Variants in SAMD8 observed in about 807,000 individuals in gnomAD.
SAMD8 encodes the protein sterile alpha motif domain containing 8.
Under a neutral mutation model 42.0 loss-of-function variants are expected in SAMD8, and 20 were observed. The ratio of observed to expected loss-of-function variants is 0.48; its 90% CI spans 0.34 to 0.69. The LOEUF (loss-of-function observed/expected upper bound fraction) is 0.69, where lower values mean the gene tolerates loss of function less well. Ranked by LOEUF, SAMD8 falls within the 30% of genes least tolerant of loss-of-function variation. SAMD8 has a pLI of 0.01. For missense variants in SAMD8, 328 were observed against 511.6 expected (o/e 0.64, Z 3.46); for synonymous variants, 162 against 173.0 (o/e 0.94, Z 0.50).
chr10:75,105,955 C>T, intron 1 of SAMD8: 1 of 1,304,926 alleles, frequency 7.7e-7, no homozygotes, highest in Non-Finnish European at 1.1e-6. Context: ...CTTTCCTGAC[C>T]CTGCCTTGGG....
At chr10:75,169,915 A>AAAAC (rs768899818) in intron 4 of SAMD8, among the ~76,000 whole-genome samples, 1 of 152,218 alleles carries the variant, frequency 6.6e-6, no homozygotes, top group South Asian at 2.1e-4. Flanking sequence ...ATCTCAAAAC[A>AAAAC]AAACAAACAA....
At chr10:75,101,269 T>A (rs917863969) in intron 1 of SAMD8, among the ~76,000 whole-genome samples, 13 of 152,184 alleles carry the variant, frequency 8.5e-5, no homozygotes, top group Non-Finnish European at 1.5e-4. Flanking sequence ...GCTGTGAGAA[T>A]TCCATGTAAT....
At chr10:75,127,598 A>G (rs535654726) in intron 1 of SAMD8, among the ~76,000 whole-genome samples, 2 of 152,348 alleles carry the variant, frequency 1.3e-5, no homozygotes, top group East Asian at 3.9e-4. Context: ...AAATGCACTG[A>G]ACACGGTTCA....
intron 1 of SAMD8, among the ~76,000 whole-genome samples, chr10:75,124,429 G>A (rs942164826): frequency 3.4e-4 from 51 of 151,980 alleles, no homozygotes; most frequent in African/African-American, 1.9e-4. Context: ...TCTGGCCAAC[G>A]TGGTGAAACC....
chr10:75,169,213 G>T (rs1342881230), intron 4 of SAMD8, among the ~76,000 whole-genome samples: 6 of 145,470 alleles, frequency 4.1e-5, no homozygotes, highest in Non-Finnish European at 6.0e-5. Context: ...TTGGCCGGGC[G>T]CAGTGGCTCA....
At chr10:75,133,633 C>CA (rs1258822713) in intron 1 of SAMD8, among the ~76,000 whole-genome samples, 1 of 152,114 alleles carries the variant, frequency 6.6e-6, no homozygotes, top group Non-Finnish European at 1.5e-5. Flanking sequence ...AGCCACAAAA[C>CA]AGAATGAAGT....
chr10:75,146,822 A>T (rs1276255692), intron 1 of SAMD8, among the ~76,000 whole-genome samples: 1 of 152,208 alleles, frequency 6.6e-6, no homozygotes, highest in Non-Finnish European at 1.5e-5. Context: ...CTTTGGTACA[A>T]CATAAATATT....
upstream of SAMD8, chr10:75,108,894 G>T: frequency 7.3e-7 from 1 of 1,362,660 alleles, no homozygotes; most frequent in Non-Finnish European, 9.7e-7. Flanking sequence ...CCTGGCCTGG[G>T]ATGGTCAGAG....
intron 1 of SAMD8, among the ~76,000 whole-genome samples, chr10:75,103,467 A>G (rs1387445599): frequency 3.3e-5 from 5 of 152,194 alleles, no homozygotes; most frequent in Non-Finnish European, 7.4e-5. Context: ...AGGGACACCC[A>G]GGCCCCACTG....
chr10:75,166,003 GATT>G (rs1840668264), intron 3 of SAMD8, among the ~76,000 whole-genome samples: 2 of 144,524 alleles, frequency 1.4e-5, no homozygotes, highest in Non-Finnish European at 3.0e-5. Context: ...AAAAAAGAAA[GATT>G]ATTTTGTACA....
chr10:75,128,872 T>C (rs1212695395), intron 1 of SAMD8, among the ~76,000 whole-genome samples: 4 of 152,184 alleles, frequency 2.6e-5, no homozygotes, highest in Non-Finnish European at 5.9e-5. Context: ...GCATTATTAA[T>C]ACATGCATAT....
Position 75,176,174 on chromosome 10 carries a change from C to T in SAMD8, c.901C>T (p.His301Tyr). The change falls in exon 5 of 6, where the codon CAC becomes TAC. Residue 301 changes from histidine to tyrosine, a missense_variant. His to Tyr is a moderately conservative substitution (Grantham distance 83, BLOSUM62 2). Coordinates refer to ENST00000542569, the MANE Select transcript of SAMD8 (RefSeq NM_001174156.2). The surrounding 1 kb of genome is among the most constrained non-coding windows in gnomAD (Gnocchi z 4.3). Reference protein sequence around the residue: ...HTCGDYMFSGHTVVLTMLNFF... With the variant: ...HTCGDYMFSGYTVVLTMLNFF... The stretch of plus-strand genomic sequence containing the variant: ...ATGTGGAGATTACATGTTTAGTGGC[C>T]ACACAGTCGTCCTAACTATGCTGAA... 2.5e-6 allele frequency: 4 copies of T among 1,614,194 alleles called. No individual in the cohort carries two copies. The South Asian group carries it at 4.4e-5, about 18-fold the overall frequency.
intron 1 of SAMD8, among the ~76,000 whole-genome samples, chr10:75,146,317 T>C (rs1840133563): frequency 7.0e-6 from 1 of 141,874 alleles, no homozygotes; most frequent in African/African-American, 2.7e-5. Flanking sequence ...AGAGTTTCGC[T>C]CTTGTTGCCC....
chr10:75,173,978 A>C (rs1384455025), intron 4 of SAMD8, among the ~76,000 whole-genome samples: 1 of 152,260 alleles, frequency 6.6e-6, no homozygotes, highest in African/African-American at 2.4e-5. Context: ...GCAGTAACAT[A>C]TAAAGCACTT....
chr10:75,164,858 A>G, intron 3 of SAMD8, 118 bp downstream of exon 3: 1 of 735,980 alleles, frequency 1.4e-6, no homozygotes, highest in Admixed American at 2.5e-5. Context: ...TCATTGTGAC[A>G]TAGTTATTAA....
At chr10:75,170,772 T>G (rs1182586303) in intron 4 of SAMD8, among the ~76,000 whole-genome samples, 3 of 39,198 alleles carry the variant, frequency 7.7e-5, no homozygotes, top group African/African-American at 1.6e-4. Flanking sequence ...TTTTTTGGGT[T>G]TTTTTTTTTT....
intron 1 of SAMD8, among the ~76,000 whole-genome samples, chr10:75,148,011 TAC>T (rs1319572165): frequency 6.6e-6 from 1 of 152,128 alleles, no homozygotes; most frequent in Non-Finnish European, 1.5e-5. Context: ...TTGTAAAAAA[TAC>T]AGACTCCTTG....
chr10:75,163,082 G>A (rs1207978582), intron 2 of SAMD8, among the ~76,000 whole-genome samples: 1 of 151,992 alleles, frequency 6.6e-6, no homozygotes, highest in African/African-American at 2.4e-5. Flanking sequence ...CTGCCACCAT[G>A]CCCGGCTAAT....
At chr10:75,156,947 A>G (rs1192380189) in intron 2 of SAMD8, among the ~76,000 whole-genome samples, 1 of 152,126 alleles carries the variant, frequency 6.6e-6, no homozygotes, top group Non-Finnish European at 1.5e-5. Context: ...CCTTGGTGTA[A>G]TAGTATATTG....
Sources: allele counts gnomAD v4.1 joint callset (sites outside exome capture counted in the v4.1 genomes callset), GRCh38; gene constraint gnomAD v4.1.1; non-coding constraint Gnocchi (gnomAD v3.1); transcripts MANE v1.5; gene names NCBI Gene and HGNC (gene_info 2026-07-23, HGNC 2026-07-21).